MAML2: variants seen among roughly 807,000 people sequenced by gnomAD.
The protein encoded by MAML2 is mastermind-like protein 2.
In MAML2, 22 loss-of-function variants were observed where a neutral mutation model predicts 96.1. That is an observed-to-expected ratio of 0.23 (90% CI 0.16 to 0.33). MAML2 has a LOEUF of 0.33. MAML2 is among the 10% of genes least tolerant of loss of function. The pLI, the probability that MAML2 is intolerant of heterozygous loss-of-function variation, is 1.00. For synonymous variants in MAML2, 561 were observed against 521.3 expected, an observed-to-expected ratio of 1.08 and a Z score of -1.04; for missense variants, 1,367 against 1,392.4, an observed-to-expected ratio of 0.98 and a Z score of 0.29.
chr11:96,070,284 C>T (rs1334578649), intron 2 of MAML2, among the ~76,000 whole-genome samples: 1 of 151,812 alleles, frequency 6.6e-6, no homozygotes, highest in African/African-American at 2.4e-5. Flanking sequence ...AGCGAGACTC[C>T]GTTTCAATAA....
intron 1 of MAML2, among the ~76,000 whole-genome samples, chr11:96,228,026 T>G (rs1245724963): frequency 6.6e-6 from 1 of 152,134 alleles, no homozygotes; most frequent in Non-Finnish European, 1.5e-5. Flanking sequence ...CACTTGAACC[T>G]GGGAGGCTGA....
chr11:96,100,416 T>A (rs995746388), intron 1 of MAML2, among the ~76,000 whole-genome samples: 10 of 151,424 alleles, frequency 6.6e-5, no homozygotes, highest in African/African-American at 2.4e-4. Flanking sequence ...TTCATGTGAT[T>A]CTCCTGCCTC....
intron 2 of MAML2, among the ~76,000 whole-genome samples, chr11:96,041,091 GT>G (rs1410970993): frequency 6.6e-6 from 1 of 152,082 alleles, no homozygotes; most frequent in Admixed American, 6.5e-5. Context: ...GTATTTTCTA[GT>G]TGCTGGCTAT....
intron 1 of MAML2, among the ~76,000 whole-genome samples, chr11:96,145,875 G>C (rs376194998): frequency 1.3e-5 from 2 of 152,298 alleles, no homozygotes; most frequent in South Asian, 2.1e-4. Context: ...CGGGCATGGT[G>C]GTGGGTGCCT....
chr11:96,220,784 C>T (rs1435617035), intron 1 of MAML2, among the ~76,000 whole-genome samples: 1 of 151,970 alleles, frequency 6.6e-6, no homozygotes, highest in African/African-American at 2.4e-5. Context: ...TCCTCTGAAA[C>T]CTCTACTGGA....
chr11:96,049,455 T>A (rs1026130806), intron 2 of MAML2, among the ~76,000 whole-genome samples: 1 of 152,218 alleles, frequency 6.6e-6, no homozygotes, highest in Non-Finnish European at 1.5e-5. Flanking sequence ...CTGTTCCCAG[T>A]GTGTTTATAG....
chr11:96,050,249 G>A (rs1452540803), intron 2 of MAML2, among the ~76,000 whole-genome samples: 2 of 152,184 alleles, frequency 1.3e-5, no homozygotes, highest in South Asian at 2.1e-4. Flanking sequence ...CTACACTTGA[G>A]TTCTGAAGAA....
intron 2 of MAML2, among the ~76,000 whole-genome samples, chr11:96,034,157 T>G (rs1202639331): frequency 1.3e-5 from 2 of 152,194 alleles, no homozygotes; most frequent in East Asian, 3.8e-4. Flanking sequence ...GAGGTTTTAG[T>G]TGTAATAATT....
At chr11:96,176,189 A>T (rs932352346) in intron 1 of MAML2, among the ~76,000 whole-genome samples, 1 of 152,180 alleles carries the variant, frequency 6.6e-6, no homozygotes, top group African/African-American at 2.4e-5. Context: ...CAGTACTTAA[A>T]GCAAGGTTAA....
intron 2 of MAML2, among the ~76,000 whole-genome samples, chr11:96,019,442 C>T (rs1325820969): frequency 2.6e-5 from 4 of 151,856 alleles, no homozygotes; most frequent in African/African-American, 4.8e-5. Context: ...ATGGGGTCCT[C>T]TGGGTAGGAA....
chr11:96,218,944 C>T (rs1361476171), intron 1 of MAML2, among the ~76,000 whole-genome samples: 1 of 152,172 alleles, frequency 6.6e-6, no homozygotes, highest in Non-Finnish European at 1.5e-5. Flanking sequence ...TCTGGGGGCA[C>T]TTGAATTATG....
At chr11:96,311,216 T>C (rs887756618) in intron 1 of MAML2, among the ~76,000 whole-genome samples, 5 of 152,146 alleles carry the variant, frequency 3.3e-5, no homozygotes, top group African/African-American at 1.2e-4. Context: ...TGGCTAGGAG[T>C]TTGAGAAGTC....
At chr11:96,199,621 C>A (rs932177109) in intron 1 of MAML2, among the ~76,000 whole-genome samples, 1 of 150,762 alleles carries the variant, frequency 6.6e-6, no homozygotes, top group Non-Finnish European at 1.5e-5. Flanking sequence ...TATGGCGGTT[C>A]TATTGTTTGG....
chr11:96,086,502 AG>A (rs1859617134), intron 2 of MAML2, among the ~76,000 whole-genome samples: 1 of 152,210 alleles, frequency 6.6e-6, no homozygotes, highest in Non-Finnish European at 1.5e-5. Context: ...AGAGGTACCA[AG>A]AAGCCCAGCA....
chr11:96,138,452 T>C (rs1860673580), intron 1 of MAML2, among the ~76,000 whole-genome samples: 1 of 152,134 alleles, frequency 6.6e-6, no homozygotes, highest in African/African-American at 2.4e-5. Flanking sequence ...GGCTGCCTCT[T>C]ATATTGTGTT....
At chr11:96,241,060 G>A (rs1177478941) in intron 1 of MAML2, among the ~76,000 whole-genome samples, 3 of 152,170 alleles carry the variant, frequency 2.0e-5, no homozygotes, top group Non-Finnish European at 4.4e-5. Flanking sequence ...AGCAATTGAA[G>A]TGTCATCAGA....
chr11:96,170,109 G>A (rs547374955), intron 1 of MAML2, among the ~76,000 whole-genome samples: 6 of 152,268 alleles, frequency 3.9e-5, no homozygotes, highest in Non-Finnish European at 5.9e-5. Flanking sequence ...AGCATCACAC[G>A]GTCCCTTTCC....
At chr11:96,205,384 A>C (rs1861881670) in intron 1 of MAML2, among the ~76,000 whole-genome samples, 1 of 152,238 alleles carries the variant, frequency 6.6e-6, no homozygotes, top group Non-Finnish European at 1.5e-5. Flanking sequence ...TCCAACATGC[A>C]TTTAGCATCA....
chr11:96,092,331 G>T lies in MAML2; in HGVS notation c.1700C>A (p.Ala567Glu), dbSNP rs189530327. The change falls in exon 2 of 5, where the codon GCG becomes GAG. Residue 567 changes from alanine to glutamate, a missense_variant. Coordinates refer to ENST00000524717, the MANE Select transcript of MAML2 (RefSeq NM_032427.4). This position sits in a 1 kb window ranked among gnomAD's most constrained non-coding sequence, Gnocchi z 4.1. ...CAAAACAGAAGGCATCTGCTGGTTC[G>T]CTTGATCTGAGTTAAAATGAAACAA... ...KPLFHFNSDQ[A>E]NQQMPSVLPS... is the part of the protein sequence containing the mutation. 1 of 1,605,494 alleles carries T rather than the reference G, an allele frequency of 6.2e-7. No homozygotes were observed. Among genetic ancestry groups the T allele is most frequent in the East Asian group, 2.2e-5 (1 of 44,660 alleles).
Sources: gnomAD v4.1 joint callset for allele counts (sites outside exome capture counted in the v4.1 genomes callset) on GRCh38, gnomAD v4.1.1 for gene constraint, Gnocchi (gnomAD v3.1) non-coding constraint, MANE v1.5 for transcripts, NCBI Gene and HGNC (gene_info 2026-07-23, HGNC 2026-07-21) for gene names.